The following EBF3 variants were observed in gnomAD, a reference collection of about 807,000 sequenced individuals.
The protein encoded by EBF3 is transcription factor COE3.
A neutral mutation model predicts 77.1 loss-of-function variants in EBF3; 18 were observed. That is an observed-to-expected ratio of 0.23 (90% CI 0.16 to 0.35). The LOEUF is 0.35. Among genes scored for constraint, EBF3 ranks in the 10% least tolerant of loss-of-function variants. The pLI is 1.00. For missense variants in EBF3, 558 were observed against 860.0 expected (o/e 0.65, Z 4.39); for synonymous variants, 350 against 343.5 (o/e 1.02, Z -0.21).
chr10:129,902,348 G>A (rs1172429661), intron 6 of EBF3, among the ~76,000 whole-genome samples: 2 of 151,636 alleles, frequency 1.3e-5, no homozygotes, highest in African/African-American at 2.4e-5. Flanking sequence ...ACACTTTAAC[G>A]AGAGTTGTGA....
Position 129,840,433 on chromosome 10 carries a change from G to A in EBF3, c.1571C>T (p.Ser524Phe). The A allele has an allele frequency of 6.4e-7, 1 of 1,551,210 alleles. No homozygotes were observed. The highest frequency in any genetic ancestry group is 8.7e-7 in the Non-Finnish European group (1 of 1,146,914). ...CGAAGAGGCTGCCATGGTGGGGCTG[G>A]ACGGCACTACTGCAACAAAGCAAAC... The part of the protein sequence containing the change: ...SANSPYGIVP[S>F]SPTMAASSVT... The change falls in exon 15 of 17, where the codon TCC becomes TTC. Residue 524 changes from serine to phenylalanine, a missense_variant. Around this residue, in one of 5 missense-constraint regions of EBF3, gnomAD observed 284 missense variants for 368.3 expected, o/e 0.77. Coordinates refer to ENST00000440978, the MANE Select transcript of EBF3 (RefSeq NM_001375380.1).
At chr10:129,892,188 G>C (rs184556817) in intron 6 of EBF3, among the ~76,000 whole-genome samples, 2 of 152,236 alleles carry the variant, frequency 1.3e-5, no homozygotes, top group Non-Finnish European at 2.9e-5. Flanking sequence ...GATGAGTAGC[G>C]GGGCTCTTAG....
At chr10:129,849,639 C>G (rs748673951) in intron 10 of EBF3, among the ~76,000 whole-genome samples, 4 of 152,196 alleles carry the variant, frequency 2.6e-5, no homozygotes, top group South Asian at 2.1e-4. Flanking sequence ...AAGCCTCGCA[C>G]GTACACTCAA....
rs1564806786 is a variant in EBF3, at chr10:129,835,426, C to T, written c.*2517G>A. The T allele has an allele frequency of 6.6e-6, 1 of 152,218 alleles. No individual in the cohort carries two copies. The highest frequency in any genetic ancestry group is 1.5e-5 in the Non-Finnish European group (1 of 68,034). The allele number at this position is 152,218 out of a possible 1,614,324, so 9.4% of individuals were successfully genotyped here. On this transcript the variant is annotated 3_prime_UTR_variant, in exon 17 of 17. Transcript: ENST00000440978. ...AAAATCTACCATTTAGTGAAGTGCT[C>T]AGTCTTGAGACAGTGAAGTGATGTG...
At chr10:129,917,679 A>AC (rs1855989795) in intron 6 of EBF3, among the ~76,000 whole-genome samples, 1 of 141,982 alleles carries the variant, frequency 7.0e-6, no homozygotes, top group South Asian at 2.3e-4. Context: ...AAAAAAAAAA[A>AC]CTAAAACCAA....
chr10:129,939,636 C>A (rs556983133), intron 6 of EBF3, among the ~76,000 whole-genome samples: 7 of 152,360 alleles, frequency 4.6e-5, no homozygotes, highest in Admixed American at 3.9e-4. Flanking sequence ...CCTAATGCCA[C>A]CCCGGGGCCA....
In EBF3 at chr10:129,947,218, C is replaced by CG. The variant is rs1418648837; in HGVS notation, c.554+10039dup. ...GGGCCGCCGGGGGACCACCCCATCC[C>CG]GGCACACTGATCTGATTTACAAACC... On this transcript the variant is annotated intron_variant, in intron 6 of 16. Coordinates refer to ENST00000440978, the MANE Select transcript of EBF3 (RefSeq NM_001375380.1). This position sits in a 1 kb window ranked among gnomAD's most constrained non-coding sequence, Gnocchi z 4.5. Among the ~76,000 whole-genome samples, 2 of 152,230 alleles carry CG rather than the reference C, an allele frequency of 1.3e-5. No individual in the cohort carries two copies. The highest frequency in any genetic ancestry group is 4.8e-5 in the African/African-American group (2 of 41,460).
intron 6 of EBF3, among the ~76,000 whole-genome samples, chr10:129,951,034 A>G (rs2134570112): frequency 6.6e-6 from 1 of 152,320 alleles, no homozygotes; most frequent in Admixed American, 6.5e-5. Context: ...TAAATTATTC[A>G]CCATCTTTAA....
intron 6 of EBF3, among the ~76,000 whole-genome samples, chr10:129,899,758 G>C (rs895651397): frequency 2.0e-5 from 3 of 152,198 alleles, no homozygotes; most frequent in Admixed American, 1.3e-4. Context: ...AAGTTCCTAT[G>C]CTGGAACCCG....
At chr10:129,878,497 C>T (rs1852947572) in intron 6 of EBF3, among the ~76,000 whole-genome samples, 1 of 151,672 alleles carries the variant, frequency 6.6e-6, no homozygotes, top group Admixed American at 6.6e-5. Context: ...GGTGAAACCC[C>T]ATCTCTACTA....
At chr10:129,962,011 CTTCA>C (rs1859562278) in intron 4 of EBF3, among the ~76,000 whole-genome samples, 156 bp downstream of exon 4, 1 of 152,168 alleles carries the variant, frequency 6.6e-6, no homozygotes. Context: ...TTACCAATCG[CTTCA>C]TTCATTCCAA....
At chr10:129,858,886 C>A (rs952622680) in intron 10 of EBF3, among the ~76,000 whole-genome samples, 2 of 152,138 alleles carry the variant, frequency 1.3e-5, no homozygotes, top group Non-Finnish European at 2.9e-5. Flanking sequence ...AAAAGAATGA[C>A]CCCGGCCACG....
intron 6 of EBF3, among the ~76,000 whole-genome samples, chr10:129,896,393 G>A (rs1380722381): frequency 6.6e-6 from 1 of 152,244 alleles, no homozygotes; most frequent in Non-Finnish European, 1.5e-5. Context: ...CAAGCAACAA[G>A]ACATAACCTG....
chr10:129,956,464 C>G (rs1034251784), intron 6 of EBF3, among the ~76,000 whole-genome samples: 1 of 152,146 alleles, frequency 6.6e-6, no homozygotes, highest in Non-Finnish European at 1.5e-5. Context: ...TGCACGGCAC[C>G]GAAACCCAGC....
intron 6 of EBF3, among the ~76,000 whole-genome samples, chr10:129,916,307 T>C (rs1855883879): frequency 6.6e-6 from 1 of 152,220 alleles, no homozygotes; most frequent in South Asian, 2.1e-4. Context: ...CGGTTCCTCG[T>C]GAGCCTCAGG....
chr10:129,843,441 G>A, intron 11 of EBF3: 2 of 478,300 alleles, frequency 4.2e-6, no homozygotes, highest in East Asian at 3.2e-5. Context: ...CCTCCATCCG[G>A]TTGGGCTCAC....
At chr10:129,906,265 T>C (rs1169811236) in intron 6 of EBF3, among the ~76,000 whole-genome samples, 4 of 152,254 alleles carry the variant, frequency 2.6e-5, no homozygotes, top group Admixed American at 6.5e-5. Flanking sequence ...AATTTATTAC[T>C]GCCAAGAAGA....
intron 6 of EBF3, among the ~76,000 whole-genome samples, chr10:129,878,968 C>A (rs1226434190): frequency 6.6e-6 from 1 of 152,112 alleles, no homozygotes; most frequent in Admixed American, 6.6e-5. Flanking sequence ...GAGGCCGAAG[C>A]GAGTGCTATT....
chr10:129,856,633 G>A (rs142181163), intron 10 of EBF3, among the ~76,000 whole-genome samples: 6 of 152,236 alleles, frequency 3.9e-5, no homozygotes, highest in East Asian at 3.9e-4. Context: ...ACTTCTCTAC[G>A]GCTGTCACTT....
Sources: allele counts gnomAD v4.1 joint callset (sites outside exome capture counted in the v4.1 genomes callset), GRCh38; gene constraint gnomAD v4.1.1; regional missense constraint gnomAD v4.1.1; non-coding constraint Gnocchi (gnomAD v3.1); transcripts MANE v1.5; gene names NCBI Gene and HGNC (gene_info 2026-07-23, HGNC 2026-07-21).